Variants in CSMD1 observed in about 807,000 individuals in gnomAD.
The protein encoded by CSMD1 is CUB and Sushi multiple domains 1.
In CSMD1, 213 loss-of-function variants were observed where a neutral mutation model predicts 417.5. The ratio of observed to expected loss-of-function variants is 0.51; its 90% CI spans 0.46 to 0.57. The LOEUF (loss-of-function observed/expected upper bound fraction) is 0.57, where lower values mean the gene tolerates loss of function less well. Ranked by LOEUF, CSMD1 falls within the 20% of genes least tolerant of loss-of-function variation. The probability of loss-of-function intolerance (pLI) is 0.00; values close to 1 mark genes in which losing one functional copy is unlikely to be tolerated. For synonymous variants in CSMD1, 2,862 were observed against 1,736.8 expected, an observed-to-expected ratio of 1.65 and a Z score of -16.11; for missense variants, 6,923 against 4,529.7, an observed-to-expected ratio of 1.53 and a Z score of -15.17.
intron 5 of CSMD1, among the ~76,000 whole-genome samples, chr8:3,836,068 T>G (rs76010249): frequency 0.015 from 2,209 of 152,228 alleles, 45 homozygotes; most frequent in African/African-American, 0.037. Flanking sequence ...TCTATGTCTC[T>G]AATTTCTTAA....
At chr8:4,488,806 T>C (rs1801550339) in intron 2 of CSMD1, among the ~76,000 whole-genome samples, 1 of 152,170 alleles carries the variant, frequency 6.6e-6, no homozygotes, top group African/African-American at 2.4e-5. Flanking sequence ...TATGTCCATA[T>C]TTCCTCTCTG....
At chr8:4,831,840 AG>A (rs1800171161) in intron 1 of CSMD1, among the ~76,000 whole-genome samples, 1 of 152,108 alleles carries the variant, frequency 6.6e-6, no homozygotes, top group Non-Finnish European at 1.5e-5. Flanking sequence ...TCAAAGACAA[AG>A]CACAGTGTGT....
intron 10 of CSMD1, among the ~76,000 whole-genome samples, chr8:3,566,973 G>A (rs1799740922): frequency 6.6e-6 from 1 of 152,154 alleles, no homozygotes; most frequent in African/African-American, 2.4e-5. Flanking sequence ...GACACATGCA[G>A]GTATAAGTTC....
intron 2 of CSMD1, among the ~76,000 whole-genome samples, chr8:4,552,794 C>A (rs1224264677): frequency 1.3e-5 from 2 of 152,098 alleles, no homozygotes; most frequent in African/African-American, 4.8e-5. Flanking sequence ...CTTTACACAC[C>A]TAACCCCACC....
chr8:4,788,437 C>G, intron 1 of CSMD1: 1 of 1,326,380 alleles, frequency 7.5e-7, no homozygotes, highest in Non-Finnish European at 1.1e-6. Flanking sequence ...GCTGTTCAAC[C>G]ACACTTTCTC....
intron 26 of CSMD1, among the ~76,000 whole-genome samples, chr8:3,260,139 C>G (rs1426244114): frequency 6.6e-6 from 1 of 152,152 alleles, no homozygotes; most frequent in East Asian, 1.9e-4. Flanking sequence ...TTGCTCTTTC[C>G]CATTAATTCT....
At chr8:3,542,576 G>A (rs1170401539) in intron 10 of CSMD1, among the ~76,000 whole-genome samples, 4 of 152,296 alleles carry the variant, frequency 2.6e-5, no homozygotes, top group Admixed American at 6.5e-5. Flanking sequence ...ACAGGAAAGA[G>A]CGTACGTGCT....
chr8:4,689,261 A>G (rs184916384), intron 1 of CSMD1, among the ~76,000 whole-genome samples: 2 of 152,314 alleles, frequency 1.3e-5, no homozygotes, highest in East Asian at 3.9e-4. Flanking sequence ...GTATGGAAAC[A>G]AAGTTCACCA....
chr8:4,208,678 C>G (rs906539938), intron 3 of CSMD1, among the ~76,000 whole-genome samples: 1 of 152,002 alleles, frequency 6.6e-6, no homozygotes, highest in African/African-American at 2.4e-5. Context: ...TGCAAAACAT[C>G]ATGATGAGTC....
rs143970851 is a variant in CSMD1 at position 3,719,662 on chromosome 8, T to C, written c.932-11171A>G. ...CTCTGGGTAGGGCGGTCAGATGAGC[T>C]TGGGGAAGTCCAGGGGTGTCATTCA... On this transcript the variant is annotated intron_variant, in intron 6 of 69. Coordinates refer to ENST00000635120, the MANE Select transcript of CSMD1 (RefSeq NM_033225.6). Among the ~76,000 whole-genome samples the C allele has an allele frequency of 4.5e-3, 686 of 152,276 alleles. 8 individuals are homozygous for C. The highest frequency in any genetic ancestry group is 0.016 in the African/African-American group (646 of 41,542).
At chr8:3,229,790 A>T (rs1798725928) in intron 27 of CSMD1, among the ~76,000 whole-genome samples, 1 of 152,198 alleles carries the variant, frequency 6.6e-6, no homozygotes, top group African/African-American at 2.4e-5. Context: ...TTTATGTAAC[A>T]TTTGTTAAGG....
intron 5 of CSMD1, among the ~76,000 whole-genome samples, chr8:3,968,395 C>G (rs772370638): frequency 5.9e-5 from 9 of 152,126 alleles, no homozygotes; most frequent in African/African-American, 1.9e-4. Flanking sequence ...TCACTGAGCA[C>G]GGCTCTTCTT....
At chr8:4,614,383 C>T (rs1481740220) in intron 2 of CSMD1, among the ~76,000 whole-genome samples, 2 of 152,128 alleles carry the variant, frequency 1.3e-5, no homozygotes, top group African/African-American at 4.8e-5. Context: ...ATGAGGTTGA[C>T]AGAAAACAGT....
intron 26 of CSMD1, among the ~76,000 whole-genome samples, chr8:3,283,828 A>G (rs1802928042): frequency 6.6e-6 from 1 of 152,226 alleles, no homozygotes; most frequent in Admixed American, 6.5e-5. Flanking sequence ...CTGCACGACT[A>G]TACATTAAAA....
At chr8:4,460,336 T>C (rs1029553349) in intron 2 of CSMD1, among the ~76,000 whole-genome samples, 8 of 152,152 alleles carry the variant, frequency 5.3e-5, no homozygotes, top group African/African-American at 1.2e-4. Context: ...AACTGAAGAA[T>C]TGCATAGAGG....
intron 3 of CSMD1, among the ~76,000 whole-genome samples, chr8:4,138,419 G>A (rs1266738160): frequency 6.6e-6 from 1 of 151,922 alleles, no homozygotes. Flanking sequence ...TGAGCTCTCA[G>A]CCTCAAAAAC....
chr8:3,167,291 GA>G (rs61026104), intron 37 of CSMD1, among the ~76,000 whole-genome samples: 11,389 of 102,782 alleles, frequency 0.11, 439 homozygotes, highest in Middle Eastern at 0.14. Flanking sequence ...CTTGGAAAAA[GA>G]AAAAAAAAAA....
At chr8:4,080,164 C>T (rs1334031981) in intron 3 of CSMD1, among the ~76,000 whole-genome samples, 1 of 152,046 alleles carries the variant, frequency 6.6e-6, no homozygotes, top group Non-Finnish European at 1.5e-5. Context: ...ACAAGCCATG[C>T]ATTTCTATGA....
chr8:3,829,403 C>A (rs1802241341), intron 5 of CSMD1, among the ~76,000 whole-genome samples: 3 of 152,144 alleles, frequency 2.0e-5, no homozygotes. Flanking sequence ...TTTCAACCTA[C>A]AACAGTCAGA....
Sources: gnomAD v4.1 joint callset for allele counts (sites outside exome capture counted in the v4.1 genomes callset) on GRCh38, gnomAD v4.1.1 for gene constraint, MANE v1.5 for transcripts, NCBI Gene and HGNC (gene_info 2026-07-23, HGNC 2026-07-21) for gene names.